The following PCDH9 variants were observed in gnomAD, a reference collection of about 807,000 sequenced individuals.
PCDH9 encodes protocadherin 9.
A neutral mutation model predicts 70.6 loss-of-function variants in PCDH9; 24 were observed. The observed-to-expected ratio is 0.34, with a 90% CI of 0.25 to 0.48. PCDH9 has a LOEUF of 0.48. Among genes scored for constraint, PCDH9 ranks in the 20% least tolerant of loss-of-function variants. The pLI is 0.99. For missense variants in PCDH9, 1,281 were observed against 1,503.6 expected, an observed-to-expected ratio of 0.85 and a Z score of 2.45; for synonymous variants, 562 against 558.5, an observed-to-expected ratio of 1.01 and a Z score of -0.09.
At position 66,642,487 on chromosome 13, in the gene PCDH9, A is replaced by G. The variant is rs1287686487; in HGVS notation, c.3139-11076T>C. 2.0e-5 allele frequency among the ~76,000 whole-genome samples: 3 copies of G among 152,142 alleles called. No homozygotes were observed. The East Asian group carries it at 5.8e-4, about 29-fold the overall frequency. ...TTAACAGAAATCTTATAAAGTATCT[A>G]TTCTGTTCTTTATTAGGTACTTAAT... On this transcript the variant is annotated intron_variant, in intron 3 of 4. Transcript: ENST00000377865.
chr13:66,928,409 A>T (rs138722487), intron 2 of PCDH9, among the ~76,000 whole-genome samples: 1 of 152,256 alleles, frequency 6.6e-6, no homozygotes, highest in Non-Finnish European at 1.5e-5. Context: ...CAAGGTGGAT[A>T]GTATTATTCC....
At chr13:66,980,317 T>C (rs1241427737) in intron 2 of PCDH9, among the ~76,000 whole-genome samples, 1 of 152,080 alleles carries the variant, frequency 6.6e-6, no homozygotes, top group Admixed American at 6.6e-5. Context: ...TACACACAAA[T>C]GACTCCATCC....
At chr13:66,928,120 C>T (rs113048630) in intron 2 of PCDH9, among the ~76,000 whole-genome samples, 2 of 152,062 alleles carry the variant, frequency 1.3e-5, no homozygotes, top group Admixed American at 6.6e-5. Flanking sequence ...CTGGGTGTCA[C>T]GAGCCATGGG....
chr13:66,620,594 T>G (rs2077410311), intron 4 of PCDH9, among the ~76,000 whole-genome samples: 1 of 152,206 alleles, frequency 6.6e-6, no homozygotes, highest in Non-Finnish European at 1.5e-5. Context: ...CCAAGGCTTA[T>G]TCTATGCTAA....
rs1345355414 is a variant in PCDH9 at position 66,799,901 on chromosome 13, G to A, written c.3138+103603C>T. Reference sequence around the variant, plus strand: ...ATTTAACCATTGCCTGAGTCTGACTGTATTCCACTACATCCATCATACCAT... The same window carrying A: ...ATTTAACCATTGCCTGAGTCTGACTATATTCCACTACATCCATCATACCAT... On this transcript the variant is annotated intron_variant, in intron 3 of 4. Transcript: ENST00000377865. Among the ~76,000 whole-genome samples the A allele has an allele frequency of 2.6e-5, 4 of 152,194 alleles. No individual in the cohort carries two copies. In the South Asian group the frequency reaches 8.3e-4, roughly 32 times the overall value.
intron 3 of PCDH9, among the ~76,000 whole-genome samples, chr13:66,788,011 A>G (rs77244175): frequency 0.018 from 2,694 of 152,288 alleles, 76 homozygotes; most frequent in African/African-American, 0.062. Flanking sequence ...CAGGAGACCT[A>G]GAGTTCGTGC....
chr13:66,647,779 G>A (rs1374570697), intron 3 of PCDH9, among the ~76,000 whole-genome samples: 1 of 152,062 alleles, frequency 6.6e-6, no homozygotes, highest in African/African-American at 2.4e-5. Flanking sequence ...GGCATTGGCT[G>A]TTAGACAGCA....
chr13:66,728,717 A>G (rs925827895), intron 3 of PCDH9, among the ~76,000 whole-genome samples: 1 of 152,098 alleles, frequency 6.6e-6, no homozygotes, highest in Non-Finnish European at 1.5e-5. Flanking sequence ...ATCTTTCTGT[A>G]GTAATCCATT....
intron 3 of PCDH9, among the ~76,000 whole-genome samples, chr13:66,811,723 T>C (rs2080509917): frequency 6.8e-6 from 1 of 146,524 alleles, no homozygotes; most frequent in African/African-American, 2.5e-5. Context: ...CCTTTCTTTC[T>C]TTCTCTTTCT....
intron 1 of PCDH9, among the ~76,000 whole-genome samples, chr13:67,229,561 A>G (rs2089961716): frequency 6.6e-6 from 1 of 152,188 alleles, no homozygotes; most frequent in African/African-American, 2.4e-5. Context: ...CTTGAGTAGG[A>G]CTGGTCAGTT....
intron 2 of PCDH9, among the ~76,000 whole-genome samples, chr13:67,180,090 T>G (rs540661452): frequency 6.6e-6 from 1 of 152,274 alleles, no homozygotes; most frequent in East Asian, 1.9e-4. Flanking sequence ...TCTACAAAAT[T>G]TGATTGCCTT....
At chr13:66,744,191 C>T (rs1362065144) in intron 3 of PCDH9, among the ~76,000 whole-genome samples, 1 of 152,196 alleles carries the variant, frequency 6.6e-6, no homozygotes, top group African/African-American at 2.4e-5. Flanking sequence ...AAACGATCAA[C>T]AATTCCTGGG....
chr13:66,519,156 G>A (rs1274715518), intron 4 of PCDH9, among the ~76,000 whole-genome samples: 7 of 152,126 alleles, frequency 4.6e-5, no homozygotes, highest in African/African-American at 1.7e-4. Flanking sequence ...TCCACTGGCA[G>A]TGCTTTGACA....
intron 2 of PCDH9, among the ~76,000 whole-genome samples, chr13:67,030,274 A>G (rs534934232): frequency 6.6e-6 from 1 of 152,252 alleles, no homozygotes; most frequent in South Asian, 2.1e-4. Context: ...AGCAATTCAG[A>G]ATTCTTAAAA....
intron 2 of PCDH9, among the ~76,000 whole-genome samples, chr13:66,956,258 A>C (rs2139713631): frequency 6.6e-6 from 1 of 152,328 alleles, no homozygotes; most frequent in South Asian, 2.1e-4. Flanking sequence ...TTGAAACAAA[A>C]GTTTCTAGGA....
In PCDH9 at chr13:66,331,052, A is replaced by G. The variant is rs182496296; in HGVS notation, c.3341-26024T>C. Among the ~76,000 whole-genome samples, 21 of 152,286 alleles carry G rather than the reference A, an allele frequency of 1.4e-4. No homozygotes were observed. The East Asian group carries it at 3.5e-3, about 25-fold the overall frequency. On this transcript the variant is annotated intron_variant, in intron 4 of 4. Coordinates refer to ENST00000377865, the MANE Select transcript of PCDH9 (RefSeq NM_203487.3). Reference sequence around the variant, plus strand: ...AAGGATCCTGATTAGGAGTCAGTGGAATGAGTCTCAGAAAATCGTGGACAC... The same window carrying G: ...AAGGATCCTGATTAGGAGTCAGTGGGATGAGTCTCAGAAAATCGTGGACAC...
intron 3 of PCDH9, among the ~76,000 whole-genome samples, chr13:66,831,119 T>C (rs1410439202): frequency 2.0e-5 from 3 of 152,176 alleles, no homozygotes; most frequent in Admixed American, 2.0e-4. Context: ...CATGGACAGA[T>C]GCATCTACAG....
intron 3 of PCDH9, among the ~76,000 whole-genome samples, chr13:66,665,388 G>C (rs147833578): frequency 6.6e-6 from 1 of 152,014 alleles, no homozygotes; most frequent in Non-Finnish European, 1.5e-5. Context: ...GTGAGCCACC[G>C]CGCCTGACCA....
intron 2 of PCDH9, chr13:67,211,545 A>C (rs994130215): frequency 2.6e-5 from 4 of 152,080 alleles, no homozygotes; most frequent in African/African-American, 9.6e-5. Flanking sequence ...TATGTAAGTT[A>C]GTGTTTTAGA....
Sources: allele counts gnomAD v4.1 joint callset (sites outside exome capture counted in the v4.1 genomes callset), GRCh38; gene constraint gnomAD v4.1.1; transcripts MANE v1.5; gene names NCBI Gene and HGNC (gene_info 2026-07-23, HGNC 2026-07-21).